Variants in MRAP observed in about 807,000 individuals in gnomAD.
The protein encoded by MRAP is melanocortin 2 receptor accessory protein.
A neutral mutation model predicts 8.7 loss-of-function variants in MRAP; 8 were observed. That is an observed-to-expected ratio of 0.92 (90% CI 0.54 to 1.66). The LOEUF (loss-of-function observed/expected upper bound fraction) is 1.66. Ranked by LOEUF, MRAP falls within the 40% of genes most tolerant of loss-of-function variation. The probability of loss-of-function intolerance (pLI) is 0.00; values close to 1 mark genes in which losing one functional copy is unlikely to be tolerated. For synonymous variants in MRAP, 95 were observed against 95.5 expected, an observed-to-expected ratio of 1.00 and a Z score of 0.03; for missense variants, 237 against 217.1, an observed-to-expected ratio of 1.09 and a Z score of -0.58.
At chr21:32,300,553 CTA>C (rs80033069) in intron 1 of MRAP, among the ~76,000 whole-genome samples, 1,646 of 147,522 alleles carry the variant, frequency 0.011, 40 homozygotes, top group East Asian at 0.085. Flanking sequence ...GTCACGTGTC[CTA>C]TGTCAGATGT....
In MRAP at chr21:32,306,753, G is replaced by A. The variant is rs771143357; in HGVS notation, c.206+14G>A. 6.2e-7 allele frequency: 1 copy of A among 1,607,110 alleles called. No homozygotes were observed. The highest frequency in any genetic ancestry group is 8.5e-7 in the Non-Finnish European group (1 of 1,173,704). ...CCCGCAGATGAGGTGGGTAAGAAGG[G>A]GTGTGAGTCTGTGGGTCACTCAGAC... On this transcript the variant is annotated intron_variant, in intron 2 of 2. Coordinates refer to ENST00000303645, the MANE Select transcript of MRAP (RefSeq NM_001379228.1).
intron 1 of MRAP, among the ~76,000 whole-genome samples, chr21:32,300,358 CAG>C (rs1304674598): frequency 2.0e-5 from 3 of 151,976 alleles, no homozygotes; most frequent in African/African-American, 4.8e-5. Flanking sequence ...CGTCCTATGT[CAG>C]ATGTCACACA....
At chr21:32,300,320 T>A (rs1201960938) in intron 1 of MRAP, among the ~76,000 whole-genome samples, 1 of 152,216 alleles carries the variant, frequency 6.6e-6, no homozygotes, top group Non-Finnish European at 1.5e-5. Flanking sequence ...GCGTCATGTG[T>A]CATGCATCCT....
At position 32,298,970 on chromosome 21, in the gene MRAP, A is replaced by G. The variant is rs1277821983; in HGVS notation, c.-2A>G. On this transcript the variant is annotated 5_prime_UTR_variant, in exon 1 of 3. Transcript: ENST00000303645. ...GGACGCTGACTGCCCAGTGCCACAG[A>G]CATGGCCAACGGGACCAACGCCTCT... 1 of 1,612,910 alleles carries G rather than the reference A, an allele frequency of 6.2e-7. No individual in the cohort carries two copies. The highest frequency in any genetic ancestry group is 8.5e-7 in the Non-Finnish European group (1 of 1,178,932).
downstream of MRAP, chr21:32,312,806 G>C (rs2032611953): frequency 1.3e-5 from 2 of 152,228 alleles, no homozygotes; most frequent in African/African-American, 4.8e-5. Context: ...TTCAGGCAAG[G>C]AGGGAGTTGA....
chr21:32,300,597 C>G (rs1448337391), intron 1 of MRAP, among the ~76,000 whole-genome samples: 9 of 141,538 alleles, frequency 6.4e-5, no homozygotes, highest in African/African-American at 2.1e-4. Flanking sequence ...GTCACACGTC[C>G]TATGTCGGAT....
At chr21:32,314,529 C>A, downstream of MRAP, 6 of 1,604,150 alleles carry the variant, frequency 3.7e-6, no homozygotes, top group Non-Finnish European at 4.3e-6. Context: ...TAAAAAAAAT[C>A]TGATACCTTT....
chr21:32,296,294 G>A (rs2032137742), upstream of MRAP, among the ~76,000 whole-genome samples: 1 of 152,140 alleles, frequency 6.6e-6, no homozygotes, highest in African/African-American at 2.4e-5. Flanking sequence ...GGGGGTGAAG[G>A]CTTCAACTTA....
At chr21:32,300,575 CAT>C (rs1473441025) in intron 1 of MRAP, among the ~76,000 whole-genome samples, 2 of 136,854 alleles carry the variant, frequency 1.5e-5, no homozygotes, top group East Asian at 4.5e-4. Flanking sequence ...TTTCACACGT[CAT>C]GTCAGGGGCG....
chr21:32,300,986 T>C (rs996250481), intron 1 of MRAP, among the ~76,000 whole-genome samples: 2 of 141,688 alleles, frequency 1.4e-5, no homozygotes, highest in Non-Finnish European at 3.0e-5. Flanking sequence ...ATATTTCATA[T>C]ATCATGATAT....
intron 1 of MRAP, among the ~76,000 whole-genome samples, chr21:32,304,983 T>G (rs570256655): frequency 1.4e-5 from 2 of 144,260 alleles, no homozygotes; most frequent in African/African-American, 5.5e-5. Context: ...TTTTTTTTTT[T>G]TTTTTTTGAG....
At chr21:32,293,741 A>C (rs1292375488) in intron 2 of MRAP, among the ~76,000 whole-genome samples, 1 of 152,362 alleles carries the variant, frequency 6.6e-6, no homozygotes, top group African/African-American at 2.4e-5. Context: ...AATTAAAGGG[A>C]GAAGAAAAAC....
At chr21:32,310,838 G>T (rs1334052038) in intron 2 of MRAP, among the ~76,000 whole-genome samples, 12 of 151,952 alleles carry the variant, frequency 7.9e-5, no homozygotes, top group African/African-American at 2.9e-4. Flanking sequence ...GTAGAGACGG[G>T]GTTTCCCTAT....
chr21:32,306,436 A>T, intron 1 of MRAP: 1 of 631,926 alleles, frequency 1.6e-6, no homozygotes, highest in Non-Finnish European at 2.9e-6. Flanking sequence ...AGCTGCCCTG[A>T]GGAAAAAGAC....
At chr21:32,300,907 A>G (rs1410473465) in intron 1 of MRAP, among the ~76,000 whole-genome samples, 2 of 151,916 alleles carry the variant, frequency 1.3e-5, no homozygotes, top group Admixed American at 6.6e-5. Flanking sequence ...TCGGGGCGTC[A>G]TGTGTCTATG....
upstream of MRAP, among the ~76,000 whole-genome samples, chr21:32,298,032 C>T (rs951317907): frequency 9.2e-5 from 14 of 152,140 alleles, no homozygotes; most frequent in Admixed American, 3.3e-4. Context: ...GCCATGTAAG[C>T]CGTGTGTTTT....
chr21:32,306,420 G>C (rs1330944637), intron 1 of MRAP: 2 of 601,478 alleles, frequency 3.3e-6, no homozygotes, highest in Non-Finnish European at 6.1e-6. Flanking sequence ...AACAGACCCC[G>C]TGGCCAGCTG....
At chr21:32,292,891 G>A (rs1213239716) in intron 1 of MRAP, 10 of 152,072 alleles carry the variant, frequency 6.6e-5, no homozygotes, top group Admixed American at 6.6e-4. Flanking sequence ...ATATTCCCAG[G>A]ATGTGACATT....
chr21:32,306,794 A>G, intron 2 of MRAP, 55 bp downstream of exon 2: 2 of 1,365,974 alleles, frequency 1.5e-6, no homozygotes, highest in Non-Finnish European at 2.1e-6. Context: ...CCAGTGAGTA[A>G]CAGTGCAGGT....
Sources: allele counts gnomAD v4.1 joint callset (sites outside exome capture counted in the v4.1 genomes callset), GRCh38; gene constraint gnomAD v4.1.1; transcripts MANE v1.5; gene names NCBI Gene and HGNC (gene_info 2026-07-23, HGNC 2026-07-21).